The following SMYD3 variants were observed in gnomAD, a reference collection of about 807,000 sequenced individuals.
SMYD3 encodes SET and MYND domain containing 3.
In SMYD3, 36 loss-of-function variants were observed where a neutral mutation model predicts 57.7. The ratio of observed to expected loss-of-function variants is 0.62; its 90% confidence interval spans 0.48 to 0.82. The LOEUF (loss-of-function observed/expected upper bound fraction) is 0.82, where lower values mean the gene tolerates loss of function less well. Ranked by LOEUF, SMYD3 falls within the 40% of genes least tolerant of loss-of-function variation. SMYD3 has a pLI of 0.00. For synonymous variants in SMYD3, 211 were observed against 195.0 expected, an observed-to-expected ratio of 1.08 and a Z score of -0.68; for missense variants, 515 against 538.8, an observed-to-expected ratio of 0.96 and a Z score of 0.44.
At chr1:246,495,603 T>C (rs950293848) in intron 1 of SMYD3, among the ~76,000 whole-genome samples, 2 of 152,210 alleles carry the variant, frequency 1.3e-5, no homozygotes, top group East Asian at 1.9e-4. Context: ...CAGAAGTAAG[T>C]TGCTTTCTCT....
chr1:246,051,116 CT>C (rs200942171), intron 5 of SMYD3, among the ~76,000 whole-genome samples: 3 of 146,338 alleles, frequency 2.1e-5, no homozygotes, highest in South Asian at 2.2e-4. Context: ...ATATTAACTT[CT>C]TTTTTTTTCT....
At chr1:245,869,658 C>T (rs906640278) in intron 8 of SMYD3, among the ~76,000 whole-genome samples, 6 of 152,170 alleles carry the variant, frequency 3.9e-5, no homozygotes, top group African/African-American at 7.2e-5. Flanking sequence ...CCGCACAAGC[C>T]CCTTGAATAC....
intron 5 of SMYD3, among the ~76,000 whole-genome samples, chr1:246,022,906 T>C (rs796235372): frequency 6.6e-6 from 1 of 152,238 alleles, no homozygotes; most frequent in South Asian, 2.1e-4. Context: ...GATTTTCTTA[T>C]CTAAATTTTA....
At chr1:246,399,659 G>C (rs1000567029) in intron 1 of SMYD3, among the ~76,000 whole-genome samples, 2 of 152,076 alleles carry the variant, frequency 1.3e-5, no homozygotes, top group African/African-American at 4.8e-5. Flanking sequence ...ATTTTTAATA[G>C]ATACTATTTT....
At position 246,499,457 on chromosome 1, in the gene SMYD3, G is replaced by T. The variant is rs568358282; in HGVS notation, c.164+7597C>A. ...ATATTTTTGTTATTGTTGTTTTGTTGTTGTTGGGTATTTTTTGGAGGCAGG... is the reference window on the plus strand; with the variant it reads ...ATATTTTTGTTATTGTTGTTTTGTTTTTGTTGGGTATTTTTTGGAGGCAGG... On this transcript the variant is annotated intron_variant, in intron 1 of 11. Transcript: ENST00000490107. 5.9e-5 allele frequency among the ~76,000 whole-genome samples: 9 copies of T among 151,378 alleles called. No homozygotes were observed. The South Asian group carries it at 1.7e-3, about 28-fold the overall frequency.
At chr1:245,986,525 G>A (rs1164780682) in intron 5 of SMYD3, among the ~76,000 whole-genome samples, 2 of 152,106 alleles carry the variant, frequency 1.3e-5, no homozygotes, top group Non-Finnish European at 2.9e-5. Flanking sequence ...CTATTATGAT[G>A]CCATAAACAA....
chr1:246,385,666 A>T (rs139554717), intron 1 of SMYD3, among the ~76,000 whole-genome samples: 16 of 152,212 alleles, frequency 1.1e-4, no homozygotes, highest in Admixed American at 2.6e-4. Flanking sequence ...TGTGCATTAT[A>T]TTGTCTATGA....
At chr1:246,449,545 T>C (rs1001448186) in intron 1 of SMYD3, among the ~76,000 whole-genome samples, 1 of 152,094 alleles carries the variant, frequency 6.6e-6, no homozygotes, top group African/African-American at 2.4e-5. Context: ...GCGATTACCT[T>C]ATGCAAGTTC....
intron 1 of SMYD3, among the ~76,000 whole-genome samples, chr1:246,363,701 G>C (rs1254385361): frequency 6.6e-6 from 1 of 152,090 alleles, no homozygotes; most frequent in Non-Finnish European, 1.5e-5. Flanking sequence ...GATGTGCTTT[G>C]TTAAACAGAT....
At chr1:245,840,829 C>T (rs1474980140) in intron 10 of SMYD3, among the ~76,000 whole-genome samples, 2 of 151,680 alleles carry the variant, frequency 1.3e-5, no homozygotes, top group African/African-American at 2.4e-5. Flanking sequence ...AAGAAACCCA[C>T]TGCTTTTTAT....
intron 5 of SMYD3, among the ~76,000 whole-genome samples, chr1:246,088,440 T>C (rs976807280): frequency 4.1e-5 from 6 of 147,326 alleles, no homozygotes; most frequent in African/African-American, 1.6e-4. Flanking sequence ...AAACCCCGTC[T>C]CTACTAAAAA....
At chr1:245,860,373 G>T (rs538098299) in intron 9 of SMYD3, among the ~76,000 whole-genome samples, 2 of 152,084 alleles carry the variant, frequency 1.3e-5, no homozygotes, top group Non-Finnish European at 2.9e-5. Flanking sequence ...CTCAGAACAC[G>T]GCTTTCTGAA....
intron 5 of SMYD3, among the ~76,000 whole-genome samples, chr1:245,956,659 C>T (rs2057853044): frequency 6.6e-6 from 1 of 152,076 alleles, no homozygotes; most frequent in Non-Finnish European, 1.5e-5. Flanking sequence ...CCTTCTACTT[C>T]TCCTCCTCCT....
chr1:246,482,105 C>G (rs1342905537), intron 1 of SMYD3, among the ~76,000 whole-genome samples: 1 of 152,104 alleles, frequency 6.6e-6, no homozygotes, highest in Non-Finnish European at 1.5e-5. Context: ...CTGCAGTGAG[C>G]CATGATCATG....
At chr1:246,129,780 C>T (rs1348794632) in intron 5 of SMYD3, among the ~76,000 whole-genome samples, 3 of 151,308 alleles carry the variant, frequency 2.0e-5, no homozygotes, top group African/African-American at 7.3e-5. Context: ...ATTTCTTTCT[C>T]TTTTTTTTTA....
chr1:246,353,615 G>C (rs1293011025), intron 2 of SMYD3, among the ~76,000 whole-genome samples: 1 of 152,180 alleles, frequency 6.6e-6, no homozygotes, highest in Non-Finnish European at 1.5e-5. Context: ...AGCAAGAACA[G>C]AATTTAGGTT....
At chr1:246,061,714 G>C (rs2060255417) in intron 5 of SMYD3, among the ~76,000 whole-genome samples, 3 of 152,172 alleles carry the variant, frequency 2.0e-5, no homozygotes. Context: ...GACAGAGTGA[G>C]ACCCTGTCTC....
At position 245,869,357 on chromosome 1, in the gene SMYD3, A is replaced by G. The variant is rs563993835; in HGVS notation, c.814-5471T>C. ...CAGCGCTGGTGGCATCTCTGCCCTG[A>G]CCCACTGCATGACCCCGGGCAAGTC... On this transcript the variant is annotated intron_variant, in intron 8 of 11. Coordinates refer to ENST00000490107, the MANE Select transcript of SMYD3 (RefSeq NM_001167740.2). Among the ~76,000 whole-genome samples, 177 of 152,298 alleles carry G rather than the reference A, an allele frequency of 1.2e-3. 2 individuals carry two copies. The highest frequency in any genetic ancestry group is 0.011 in the Admixed American group (175 of 15,296).
intron 11 of SMYD3, among the ~76,000 whole-genome samples, chr1:245,753,687 C>T (rs2045490358): frequency 6.6e-6 from 1 of 152,158 alleles, no homozygotes; most frequent in Admixed American, 6.5e-5. Flanking sequence ...GGGCACAGCC[C>T]TTCAGTACAG....
Sources: gnomAD v4.1 joint callset for allele counts (sites outside exome capture counted in the v4.1 genomes callset) on GRCh38, gnomAD v4.1.1 for gene constraint, MANE v1.5 for transcripts, NCBI Gene and HGNC (gene_info 2026-07-23, HGNC 2026-07-21) for gene names.